FNDC3A: variants seen among roughly 807,000 people sequenced by gnomAD.
The protein encoded by FNDC3A is fibronectin type III domain containing 3A, also known as fibronectin type-III domain-containing protein 3A.
Under a neutral mutation model 148.9 loss-of-function variants are expected in FNDC3A, and 32 were observed. That is an observed-to-expected ratio of 0.21 (90% CI 0.16 to 0.29). The LOEUF is 0.29. FNDC3A is among the 10% of genes least tolerant of loss of function. The pLI is 1.00. For synonymous variants in FNDC3A, 472 were observed against 473.6 expected (o/e 1.00, Z 0.04); for missense variants, 1,191 against 1,452.8 (o/e 0.82, Z 2.93).
At chr13:49,056,186 C>CA (rs71076063) in intron 2 of FNDC3A, among the ~76,000 whole-genome samples, 11,288 of 131,154 alleles carry the variant, frequency 0.086, 608 homozygotes, top group Admixed American at 0.19. Context: ...GACCCTGCCT[C>CA]AAAAAAAAAA....
At chr13:49,086,561 C>T (rs938463261) in intron 3 of FNDC3A, among the ~76,000 whole-genome samples, 1 of 152,154 alleles carries the variant, frequency 6.6e-6, no homozygotes, top group Non-Finnish European at 1.5e-5. Flanking sequence ...TGCATTACAG[C>T]AAATCAGACC....
chr13:49,167,014 A>G (rs1884502042), intron 8 of FNDC3A, among the ~76,000 whole-genome samples: 1 of 152,208 alleles, frequency 6.6e-6, no homozygotes, highest in Admixed American at 6.5e-5. Flanking sequence ...TGGCTTACAC[A>G]GCTGATTTGC....
intron 3 of FNDC3A, among the ~76,000 whole-genome samples, chr13:49,105,271 A>C (rs1340113495): frequency 6.6e-6 from 1 of 152,142 alleles, no homozygotes; most frequent in Non-Finnish European, 1.5e-5. Flanking sequence ...TACTCGGGAA[A>C]ACTATGTGGC....
At chr13:49,192,053 T>A (rs1429265160) in intron 19 of FNDC3A, among the ~76,000 whole-genome samples, 1 of 152,176 alleles carries the variant, frequency 6.6e-6, no homozygotes, top group Non-Finnish European at 1.5e-5. Flanking sequence ...GAGCCAAAGC[T>A]CTTTCCACTC....
At chr13:49,024,243 A>G (rs758943461) in intron 2 of FNDC3A, among the ~76,000 whole-genome samples, 1 of 151,970 alleles carries the variant, frequency 6.6e-6, no homozygotes, top group African/African-American at 2.4e-5. Context: ...AATGTCTCCC[A>G]AGAAAGAAAA....
chr13:49,052,782 T>C (rs966030490), intron 2 of FNDC3A, among the ~76,000 whole-genome samples: 4 of 152,288 alleles, frequency 2.6e-5, no homozygotes, highest in African/African-American at 9.6e-5. Context: ...ATAGAGCTCC[T>C]GAGAGATTAC....
At chr13:49,110,540 A>G (rs1880497701) in intron 3 of FNDC3A, 8 of 694,200 alleles carry the variant, frequency 1.2e-5, no homozygotes, top group Admixed American at 4.7e-5. Context: ...AATTGTTGCC[A>G]TGTAAATACA....
At chr13:49,023,215 C>A (rs1873458589) in intron 2 of FNDC3A, among the ~76,000 whole-genome samples, 1 of 151,812 alleles carries the variant, frequency 6.6e-6, no homozygotes, top group South Asian at 2.1e-4. Context: ...ATATTTGGCA[C>A]AAAATAATAA....
At chr13:49,131,108 G>T (rs1314113104) in intron 4 of FNDC3A, 29 bp from the exon 5 acceptor site, 1 of 1,535,626 alleles carries the variant, frequency 6.5e-7, no homozygotes, top group Non-Finnish European at 9.0e-7. Flanking sequence ...TTCTATGGAA[G>T]AAATTTTAAT....
intron 4 of FNDC3A, among the ~76,000 whole-genome samples, chr13:49,123,666 AC>A (rs1305914622): frequency 6.6e-6 from 1 of 152,006 alleles, no homozygotes; most frequent in African/African-American, 2.4e-5. Context: ...AAAAAAACCA[AC>A]CCCATCAAAA....
intron 2 of FNDC3A, among the ~76,000 whole-genome samples, chr13:49,073,492 A>G (rs1877844741): frequency 6.6e-6 from 1 of 151,798 alleles, no homozygotes; most frequent in African/African-American, 2.4e-5. Context: ...CAAGTGGAGA[A>G]TTCCACACCC....
chr13:49,141,849 T>C (rs1882709756), intron 7 of FNDC3A, among the ~76,000 whole-genome samples: 2 of 152,174 alleles, frequency 1.3e-5, no homozygotes, highest in Non-Finnish European at 2.9e-5. Flanking sequence ...GACAGATTTT[T>C]ACACAATCAT....
chr13:49,087,593 G>C (rs761863320), intron 3 of FNDC3A, among the ~76,000 whole-genome samples: 2 of 152,006 alleles, frequency 1.3e-5, no homozygotes, highest in Non-Finnish European at 2.9e-5. Flanking sequence ...TAATTTTAAA[G>C]ACAAGAAAAA....
intron 1 of FNDC3A, among the ~76,000 whole-genome samples, chr13:48,980,031 T>G (rs1396489270): frequency 1.3e-5 from 2 of 152,132 alleles, no homozygotes; most frequent in Admixed American, 1.3e-4. Flanking sequence ...TTGGGCGTTT[T>G]ATGACTATCA....
intron 3 of FNDC3A, among the ~76,000 whole-genome samples, chr13:49,094,485 G>T (rs1879396463): frequency 6.6e-6 from 1 of 152,170 alleles, no homozygotes; most frequent in Middle Eastern, 3.4e-3. Context: ...AGAAGATAGA[G>T]TTGAATCTAG....
chr13:48,992,245 AT>A, intron 1 of FNDC3A, among the ~76,000 whole-genome samples: 1 of 152,250 alleles, frequency 6.6e-6, no homozygotes, highest in Non-Finnish European at 1.5e-5. Flanking sequence ...GCATTAGGTG[AT>A]TTCTTAAGTA....
At chr13:48,984,401 G>A (rs1045569388) in intron 1 of FNDC3A, among the ~76,000 whole-genome samples, 2 of 152,062 alleles carry the variant, frequency 1.3e-5, no homozygotes, top group Admixed American at 1.3e-4. Flanking sequence ...TAATAAATGG[G>A]ACCCATCAAA....
At chr13:49,088,765 A>G (rs567057483) in intron 3 of FNDC3A, among the ~76,000 whole-genome samples, 12 of 151,374 alleles carry the variant, frequency 7.9e-5, no homozygotes, top group African/African-American at 1.5e-4. Flanking sequence ...GGGTCTCGCT[A>G]TGTTGCCCAG....
intron 1 of FNDC3A, chr13:48,976,864 C>G (rs528451532): frequency 9.6e-4 from 146 of 152,354 alleles, no homozygotes; most frequent in African/African-American, 3.4e-3. Flanking sequence ...CCGGTTTTAA[C>G]AACCTGGATC....
Sources: gnomAD v4.1 joint callset for allele counts (sites outside exome capture counted in the v4.1 genomes callset) on GRCh38, gnomAD v4.1.1 for gene constraint, MANE v1.5 for transcripts, NCBI Gene and HGNC (gene_info 2026-07-23, HGNC 2026-07-21) for gene names.